The following DNAJC5G variants were observed in gnomAD, a reference collection of about 807,000 sequenced individuals.
DNAJC5G encodes the protein dnaJ homolog subfamily C member 5G.
DNAJC5G carries 13 observed loss-of-function variants against 19.1 expected under a neutral mutation model. The observed-to-expected ratio is 0.68, with a 90% confidence interval of 0.44 to 1.08. The LOEUF (loss-of-function observed/expected upper bound fraction) is 1.08. DNAJC5G is among the 50% of genes least tolerant of loss of function. The pLI is 0.00. For missense variants in DNAJC5G, 245 were observed against 230.4 expected (o/e 1.06, Z -0.41); for synonymous variants, 81 against 84.4 (o/e 0.96, Z 0.22).
In DNAJC5G at chr2:27,277,910, G is replaced by A. The variant is rs192512997; in HGVS notation, c.270G>A (p.Lys90=). The A allele has an allele frequency of 9.9e-6, 16 of 1,614,206 alleles. No homozygotes were observed. The East Asian group carries it at 3.6e-4, about 36-fold the overall frequency. ...AAHAILSDSK[K]RKIYDQHGSL... is the part of the protein sequence containing the mutation. ...ATGCCATACTGAGCGACTCTAAGAA[G>A]CGGAAAATTTACGACCAGCATGGCT... is the stretch of plus-strand genomic sequence containing the variant. The change falls in exon 4 of 7, where the codon AAG becomes AAA. Residue 90 remains lysine (K), a synonymous_variant. Coordinates refer to ENST00000296097, the MANE Select transcript of DNAJC5G (RefSeq NM_173650.3).
intron 3 of DNAJC5G, 83 bp downstream of exon 3, chr2:27,276,924 T>G: frequency 7.7e-6 from 1 of 130,144 alleles, no homozygotes; most frequent in Non-Finnish European, 1.3e-5. Context: ...TATCTGACTC[T>G]TTTTTTTTTT....
At position 27,280,233 on chromosome 2, in the gene DNAJC5G, G is replaced by T; in HGVS notation, c.*18G>T. 6.2e-7 allele frequency: 1 copy of T among 1,613,594 alleles called. No homozygotes were observed. Among genetic ancestry groups the T allele is most frequent in the South Asian group, 1.1e-5 (1 of 91,046 alleles). ...ATTTTTAAGAGATGAAGAAGGATGA[G>T]GTATGTAAACCGAAAGGCAGCAACA... On this transcript the variant is annotated splice_region_variant and 3_prime_UTR_variant, in exon 6 of 7. Coordinates refer to ENST00000296097, the MANE Select transcript of DNAJC5G (RefSeq NM_173650.3).
intron 5 of DNAJC5G, among the ~76,000 whole-genome samples, chr2:27,279,489 G>T (rs1013391361): frequency 3.3e-5 from 5 of 152,086 alleles, no homozygotes; most frequent in African/African-American, 4.8e-5. Context: ...TAGAGTCAGG[G>T]TTTCGCCATG....
chr2:27,280,274 A>G (rs1278327756), intron 6 of DNAJC5G, 41 bp downstream of exon 6: 4 of 1,532,514 alleles, frequency 2.6e-6, no homozygotes, highest in Non-Finnish European at 3.6e-6. Context: ...CAGATAAGAA[A>G]AGCATGTAAG....
At position 27,280,772 on chromosome 2, in the gene DNAJC5G, G is replaced by A. The variant is rs1442121170; in HGVS notation, c.*362G>A. 6.5e-6 allele frequency: 1 copy of A among 153,114 alleles called. No individual in the cohort carries two copies. The highest frequency in any genetic ancestry group is 6.5e-5 in the Admixed American group (1 of 15,414). 9.5% of individuals were successfully genotyped at this position (153,114 alleles called of 1,614,324 possible). On this transcript the variant is annotated 3_prime_UTR_variant, in exon 7 of 7. Transcript: ENST00000296097. ...TTTTTCCTGTGTCTGCCTTGTTATT[G>A]GAACCAATGCCAGCTGGTAGGATCC...
intron 6 of DNAJC5G, 94 bp from the exon 7 acceptor site, chr2:27,280,335 C>A: frequency 1.0e-6 from 1 of 981,178 alleles, no homozygotes; most frequent in Non-Finnish European, 1.6e-6. Context: ...ATAGTATGGA[C>A]TATGTGTTTA....
rs1678064341 is a variant in DNAJC5G at position 27,276,263 on chromosome 2, A to AG, written c.-128_-127insG. On this transcript the variant is annotated 5_prime_UTR_variant, in exon 2 of 7. Coordinates refer to ENST00000296097, the MANE Select transcript of DNAJC5G (RefSeq NM_173650.3). Reference sequence around the variant, plus strand: ...AACAAGAGCAAAAAACTCCGTCAAAAAAAAAAAAAAGAAGAAGAAGTTGTG... The same window carrying AG: ...AACAAGAGCAAAAAACTCCGTCAAAAGAAAAAAAAAAGAAGAAGAAGTTGTG... 6.6e-6 allele frequency: 1 copy of AG among 152,648 alleles called. No homozygotes were observed. Among genetic ancestry groups the AG allele is most frequent in the East Asian group, 1.9e-4 (1 of 5,256 alleles). 9.5% of individuals were successfully genotyped at this position (152,648 alleles called of 1,614,324 possible). A position where few individuals can be genotyped will look rare whatever the true frequency, so the allele number is the denominator to read the frequency against.
Position 27,277,902 on chromosome 2 carries a change from T to A in DNAJC5G, c.262T>A (p.Ser88Thr), listed in dbSNP as rs866801938. Reference protein sequence around the residue: ...INAAHAILSDSKKRKIYDQHG... With the variant: ...INAAHAILSDTKKRKIYDQHG... ...CGCAGCTCATGCCATACTGAGCGAC[T>A]CTAAGAAGCGGAAAATTTACGACCA... The change falls in exon 4 of 7, where the codon TCT (serine) becomes ACT (threonine). Residue 88 changes from serine to threonine, a missense_variant. Physicochemically the swap from Ser to Thr is moderately conservative, Grantham distance 58. Transcript: ENST00000296097. The A allele has an allele frequency of 6.2e-7, 1 of 1,614,202 alleles. No homozygotes were observed. The highest frequency in any genetic ancestry group is 1.6e-4 in the Middle Eastern group (1 of 6,062).
chr2:27,278,474 A>G, intron 5 of DNAJC5G, 142 bp downstream of exon 5: 1 of 1,270,362 alleles, frequency 7.9e-7, no homozygotes, highest in Non-Finnish European at 1.1e-6. Flanking sequence ...TGAGGTCAGG[A>G]GTTGGAGACA....
chr2:27,279,056 T>C (rs1260766698), intron 5 of DNAJC5G, among the ~76,000 whole-genome samples: 9 of 150,154 alleles, frequency 6.0e-5, no homozygotes, highest in Non-Finnish European at 1.3e-4. Context: ...GAGAAAGACC[T>C]GTGAAAATGG....
rs756654028 is a variant in DNAJC5G, at chr2:27,280,201, G to A, written c.556G>A (p.Glu186Lys). ...TGATTTTAGAAGCGAGGAAAATAGC[G>A]AAGATGATTTTTAAGAGATGAAGAA... ...KCDFRSEENSEDDF is the reference protein window; with the variant it reads ...KCDFRSEENSKDDF The change falls in exon 6 of 7, where the codon GAA becomes AAA. Residue 186 changes from glutamate to lysine, a missense_variant. Glu to Lys is a moderately conservative substitution (Grantham distance 56). Coordinates refer to ENST00000296097, the MANE Select transcript of DNAJC5G (RefSeq NM_173650.3). 24 of 1,613,910 alleles carry A rather than the reference G, an allele frequency of 1.5e-5. No individual in the cohort carries two copies. Among genetic ancestry groups the A allele is most frequent in the Non-Finnish European group, 1.8e-5 (21 of 1,179,964 alleles).
rs1384744897 is a variant in DNAJC5G, at chr2:27,281,428, C to A, written c.*1018C>A. ...GTCAGTAAATAAAAGAGCTTTCATC[C>A]AATCCCAAGGCATATATTATGCCCA... On this transcript the variant is annotated 3_prime_UTR_variant, in exon 7 of 7. Transcript: ENST00000296097. The A allele has an allele frequency of 6.6e-6, 1 of 152,326 alleles. No individual in the cohort carries two copies. Among genetic ancestry groups the A allele is most frequent in the Non-Finnish European group, 1.5e-5 (1 of 68,046 alleles). The allele number at this position is 152,326 out of a possible 1,614,324, so 9.4% of individuals were successfully genotyped here.
chr2:27,280,589 G>A lies in DNAJC5G; in HGVS notation c.*179G>A. The A allele has an allele frequency of 5.1e-6, 1 of 195,396 alleles. No homozygotes were observed. The highest frequency in any genetic ancestry group is 2.3e-5 in the African/African-American group (1 of 43,790). 12.1% of individuals were successfully genotyped at this position (195,396 alleles called of 1,614,324 possible). On this transcript the variant is annotated 3_prime_UTR_variant, in exon 7 of 7. Coordinates refer to ENST00000296097, the MANE Select transcript of DNAJC5G (RefSeq NM_173650.3). ...CACTGATGACGTTGATCCCAGTAAG[G>A]ACATCACCTCTACCCTTGGTACCAC...
In DNAJC5G at chr2:27,275,532, G is replaced by A. The variant is rs1019547364; in HGVS notation, c.-307G>A. The A allele has an allele frequency of 1.2e-5, 4 of 325,940 alleles. No individual in the cohort carries two copies. The highest frequency in any genetic ancestry group is 2.4e-5 in the Non-Finnish European group (4 of 166,054). 20.2% of individuals were successfully genotyped at this position (325,940 alleles called of 1,614,324 possible). On this transcript the variant is annotated 5_prime_UTR_variant, in exon 1 of 7. Transcript: ENST00000296097. Reference sequence around the variant, plus strand: ...CCAAAAGGATGAAGGGCACCCACCTGGCTTAAGAGAACGACTCCCAGGTAA... The same window carrying A: ...CCAAAAGGATGAAGGGCACCCACCTAGCTTAAGAGAACGACTCCCAGGTAA...
Position 27,280,461 on chromosome 2 carries a change from C to A in DNAJC5G, c.*51C>A. The A allele has an allele frequency of 2.1e-6, 1 of 486,594 alleles. No individual in the cohort carries two copies. 30.1% of individuals were successfully genotyped at this position (486,594 alleles called of 1,614,324 possible). A position where few individuals can be genotyped will look rare whatever the true frequency, so the allele number is the denominator to read the frequency against. On this transcript the variant is annotated 3_prime_UTR_variant, in exon 7 of 7. Transcript: ENST00000296097. ...CCCAGTGAGGGTGCCTTCTGCTGCC[C>A]AGTCCCCTGGACACATTGAAGAGAG...
chr2:27,276,890 T>A, intron 3 of DNAJC5G, 49 bp downstream of exon 3: 24 of 1,412,676 alleles, frequency 1.7e-5, no homozygotes, highest in Non-Finnish European at 2.2e-5. Flanking sequence ...CCCTTAAACC[T>A]TTTTCTTTCT....
At chr2:27,277,727 T>C in intron 3 of DNAJC5G, 27 bp from the exon 4 acceptor site, 2 of 1,613,190 alleles carry the variant, frequency 1.2e-6, no homozygotes, top group Non-Finnish European at 1.7e-6. Flanking sequence ...CTAATCCATG[T>C]CATTCATCGT....
intron 5 of DNAJC5G, among the ~76,000 whole-genome samples, chr2:27,278,550 A>T (rs1467936492): frequency 2.0e-5 from 3 of 151,280 alleles, no homozygotes; most frequent in Admixed American, 2.0e-4. Flanking sequence ...GCATGGTGGC[A>T]CCCACCTGTA....
intron 3 of DNAJC5G, 73 bp from the exon 4 acceptor site, chr2:27,277,681 C>T: frequency 6.4e-7 from 1 of 1,571,398 alleles, no homozygotes; most frequent in African/African-American, 1.3e-5. Context: ...ATCCTTTGTA[C>T]CACATCTCAT....
Sources: gnomAD v4.1 joint callset for allele counts (sites outside exome capture counted in the v4.1 genomes callset) on GRCh38, gnomAD v4.1.1 for gene constraint, MANE v1.5 for transcripts, NCBI Gene and HGNC (gene_info 2026-07-23, HGNC 2026-07-21) for gene names.